Variants in SRD5A3 observed in about 807,000 individuals in gnomAD.
The protein encoded by SRD5A3 is polyprenal reductase.
A neutral mutation model predicts 34.3 loss-of-function variants in SRD5A3; 24 were observed. The observed-to-expected ratio is 0.70, with a 90% confidence interval of 0.51 to 0.99. The LOEUF is 0.99. SRD5A3 is among the 50% of genes least tolerant of loss of function. SRD5A3 has a pLI of 0.00. For missense variants in SRD5A3, 350 were observed against 388.2 expected, an observed-to-expected ratio of 0.90 and a Z score of 0.83; for synonymous variants, 161 against 167.3, an observed-to-expected ratio of 0.96 and a Z score of 0.29.
At chr4:55,360,180 A>T (rs1030862184) in intron 2 of SRD5A3, among the ~76,000 whole-genome samples, 2 of 148,186 alleles carry the variant, frequency 1.3e-5, no homozygotes, top group African/African-American at 5.0e-5. Flanking sequence ...GGGCCACTGC[A>T]CTCCAGCCTG....
chr4:55,353,268 G>T (rs1429278415), intron 1 of SRD5A3, among the ~76,000 whole-genome samples: 2 of 152,180 alleles, frequency 1.3e-5, no homozygotes, highest in Admixed American at 1.3e-4. Flanking sequence ...TCAGCACTCT[G>T]TAAAAACACA....
chr4:55,356,906 G>A (rs1719486205), intron 1 of SRD5A3, among the ~76,000 whole-genome samples: 1 of 152,116 alleles, frequency 6.6e-6, no homozygotes, highest in Non-Finnish European at 1.5e-5. Context: ...AAGGCTTCAT[G>A]TCCTCTCCCC....
chr4:55,358,555 A>AAAAAAAAAAAAAAAAAAAAAAG (rs1553881766), intron 1 of SRD5A3, among the ~76,000 whole-genome samples: 1 of 110,174 alleles, frequency 9.1e-6, no homozygotes, highest in Non-Finnish European at 1.8e-5. Flanking sequence ...AAAAAAAAAA[A>AAAAAAAAAAAAAAAAAAAAAAG]AAGAAGAAGA....
intron 1 of SRD5A3, among the ~76,000 whole-genome samples, chr4:55,354,564 T>C (rs544786335): frequency 6.6e-6 from 1 of 152,320 alleles, no homozygotes; most frequent in African/African-American, 2.4e-5. Context: ...AGGGCCTCTC[T>C]GCTAGTTCTC....
intron 3 of SRD5A3, among the ~76,000 whole-genome samples, chr4:55,365,241 C>A (rs536683963): frequency 6.6e-6 from 1 of 152,152 alleles, no homozygotes; most frequent in East Asian, 1.9e-4. Flanking sequence ...TGAGGTCTAG[C>A]GATTTCCAAC....
chr4:55,360,669 A>G (rs1308609983), intron 2 of SRD5A3, among the ~76,000 whole-genome samples: 1 of 150,406 alleles, frequency 6.6e-6, no homozygotes, highest in East Asian at 2.0e-4. Context: ...CCTCAGCATC[A>G]GGATGAAGAA....
chr4:55,352,379 A>G, intron 1 of SRD5A3: 1 of 781,698 alleles, frequency 1.3e-6, no homozygotes, highest in Non-Finnish European at 2.4e-6. Flanking sequence ...TCATGGTCGC[A>G]TACTTCCTTG....
intron 1 of SRD5A3, chr4:55,351,744 A>G (rs1169366277): frequency 4.6e-6 from 2 of 436,270 alleles, no homozygotes; most frequent in African/African-American, 2.0e-5. Context: ...ATGCTCTTGC[A>G]TGTGTAATGA....
At chr4:55,350,228 G>A (rs1437808363) in intron 1 of SRD5A3, among the ~76,000 whole-genome samples, 1 of 152,104 alleles carries the variant, frequency 6.6e-6, no homozygotes, top group East Asian at 1.9e-4. Flanking sequence ...AAATTAGCTG[G>A]GCATGGTGGC....
chr4:55,348,528 C>G (rs1291098488), intron 1 of SRD5A3, among the ~76,000 whole-genome samples: 2 of 152,130 alleles, frequency 1.3e-5, no homozygotes, highest in African/African-American at 4.8e-5. Context: ...TCACAAGATG[C>G]TTATCACTTT....
intron 1 of SRD5A3, among the ~76,000 whole-genome samples, chr4:55,348,428 T>C (rs1430568061): frequency 6.6e-6 from 1 of 152,240 alleles, no homozygotes; most frequent in African/African-American, 2.4e-5. Context: ...CCCCTGTTTA[T>C]ATGAAATAGG....
At chr4:55,346,617 G>T in intron 1 of SRD5A3, 60 bp downstream of exon 1, 1 of 1,445,676 alleles carries the variant, frequency 6.9e-7, no homozygotes. Flanking sequence ...GGGGCGCCCC[G>T]GCTCGCGGGC....
chr4:55,362,544 T>C (rs1458835184), intron 2 of SRD5A3, among the ~76,000 whole-genome samples: 1 of 152,098 alleles, frequency 6.6e-6, no homozygotes, highest in Non-Finnish European at 1.5e-5. Flanking sequence ...AGCCTTTAAC[T>C]CCTGGGCTCG....
chr4:55,363,925 T>A lies in SRD5A3; in HGVS notation c.365-149T>A, dbSNP rs187892157. On this transcript the variant is annotated intron_variant, in intron 2 of 4. Transcript: ENST00000264228. ...CTGTGTAATTTGAGTGAAGTCAAAT[T>A]CCTTGACTTCATTTGGCCCATTTCT... 72 of 803,468 alleles carry A rather than the reference T, an allele frequency of 9.0e-5. No homozygotes were observed. The African/African-American group carries it at 1.0e-3, about 12-fold the overall frequency. 49.8% of individuals were successfully genotyped at this position (803,468 alleles called of 1,614,324 possible). A position where few individuals can be genotyped will look rare whatever the true frequency, so the allele number is the denominator to read the frequency against.
At chr4:55,369,031 G>A (rs1307588406) in intron 4 of SRD5A3, among the ~76,000 whole-genome samples, 2 of 152,114 alleles carry the variant, frequency 1.3e-5, no homozygotes, top group East Asian at 1.9e-4. Flanking sequence ...AAGCTACCGC[G>A]CCCAGCCAAA....
intron 4 of SRD5A3, 48 bp downstream of exon 4, chr4:55,367,770 G>T: frequency 6.2e-7 from 1 of 1,611,956 alleles, no homozygotes; most frequent in Non-Finnish European, 8.5e-7. Context: ...ACCCTCAGAA[G>T]TTAGTTCTCC....
At chr4:55,354,197 A>G (rs1054561831) in intron 1 of SRD5A3, among the ~76,000 whole-genome samples, 1 of 152,116 alleles carries the variant, frequency 6.6e-6, no homozygotes, top group African/African-American at 2.4e-5. Context: ...TCCTGGGTTC[A>G]AGTGATTCTC....
chr4:55,365,926 C>G (rs1157109365), intron 3 of SRD5A3, among the ~76,000 whole-genome samples: 1 of 152,186 alleles, frequency 6.6e-6, no homozygotes, highest in African/African-American at 2.4e-5. Context: ...GCCTCACAGC[C>G]TTCATTAGTA....
chr4:55,358,555 A>AAAAAG (rs1553881766), intron 1 of SRD5A3, among the ~76,000 whole-genome samples: 2 of 110,188 alleles, frequency 1.8e-5, no homozygotes, highest in African/African-American at 3.3e-5. Context: ...AAAAAAAAAA[A>AAAAAG]AAGAAGAAGA....
Sources: gnomAD v4.1 joint callset for allele counts (sites outside exome capture counted in the v4.1 genomes callset) on GRCh38, gnomAD v4.1.1 for gene constraint, MANE v1.5 for transcripts, NCBI Gene and HGNC (gene_info 2026-07-23, HGNC 2026-07-21) for gene names.